The following MGAT5 variants were observed in gnomAD, a reference collection of about 807,000 sequenced individuals.
MGAT5 encodes the protein alpha-1,6-mannosylglycoprotein 6-beta-N-acetylglucosaminyltransferase A.
A neutral mutation model predicts 94.3 loss-of-function variants in MGAT5; 30 were observed. The ratio of observed to expected loss-of-function variants is 0.32; its 90% CI spans 0.24 to 0.43. The LOEUF is 0.43. Among genes scored for constraint, MGAT5 ranks in the 20% least tolerant of loss-of-function variants. The pLI is 1.00. For synonymous variants in MGAT5, 310 were observed against 322.9 expected (o/e 0.96, Z 0.43); for missense variants, 691 against 905.5 (o/e 0.76, Z 3.04).
chr2:134,340,172 C>T (rs1484261150), intron 6 of MGAT5, among the ~76,000 whole-genome samples: 1 of 152,264 alleles, frequency 6.6e-6, no homozygotes, highest in African/African-American at 2.4e-5. Context: ...CTAGCTAGGG[C>T]CACTATCAGG....
chr2:134,166,250 AC>A (rs1333194728), intron 1 of MGAT5, among the ~76,000 whole-genome samples: 2 of 152,124 alleles, frequency 1.3e-5, no homozygotes, highest in Non-Finnish European at 2.9e-5. Flanking sequence ...ACACAGAGGG[AC>A]CCTTGGAAAT....
At chr2:134,423,793 A>G (rs1451775271) in intron 13 of MGAT5, among the ~76,000 whole-genome samples, 2 of 152,024 alleles carry the variant, frequency 1.3e-5, no homozygotes, top group African/African-American at 4.8e-5. Flanking sequence ...AAATGAGATA[A>G]TGTATGTAAA....
intron 4 of MGAT5, among the ~76,000 whole-genome samples, chr2:134,335,275 T>G (rs1472473760): frequency 6.6e-6 from 1 of 152,168 alleles, no homozygotes; most frequent in African/African-American, 2.4e-5. Context: ...CATTAAATTT[T>G]ATAGATCTAC....
intron 10 of MGAT5, among the ~76,000 whole-genome samples, chr2:134,397,720 T>C (rs1682799208): frequency 1.3e-5 from 2 of 152,104 alleles, no homozygotes; most frequent in South Asian, 4.1e-4. Context: ...GCAGGGGCAA[T>C]CTGAAAGGGC....
At chr2:134,418,404 C>T (rs1361309498) in intron 12 of MGAT5, among the ~76,000 whole-genome samples, 2 of 152,180 alleles carry the variant, frequency 1.3e-5, no homozygotes, top group Non-Finnish European at 2.9e-5. Context: ...ATCCTTTCAA[C>T]AGTCGCTCAG....
intron 12 of MGAT5, among the ~76,000 whole-genome samples, chr2:134,421,343 G>A (rs1361152879): frequency 6.6e-6 from 1 of 152,136 alleles, no homozygotes; most frequent in Non-Finnish European, 1.5e-5. Context: ...CTAGCACTTT[G>A]GGGGCTGAGA....
intron 1 of MGAT5, among the ~76,000 whole-genome samples, chr2:134,197,265 G>T (rs945041628): frequency 1.3e-5 from 2 of 152,186 alleles, no homozygotes; most frequent in East Asian, 3.9e-4. Flanking sequence ...GAACTTGACC[G>T]TGATGTTGTG....
Position 134,189,602 on chromosome 2 carries a change from G to GTTTT in MGAT5, c.-142-64645_-142-64642dup, listed in dbSNP as rs912983981. On this transcript the variant is annotated intron_variant, in intron 1 of 16. Transcript: ENST00000409645. ...AACCTCATGGCTCTAGTTTTTTTTT[G>GTTTT]TTTTTTTTTTTTTTTTTTAAGACAG... 1.0e-3 allele frequency among the ~76,000 whole-genome samples: 88 copies of GTTTT among 84,620 alleles called. 5 individuals are homozygous for GTTTT. The highest frequency in any genetic ancestry group is 1.6e-3 in the Non-Finnish European group (71 of 43,556). 55.5% of individuals were successfully genotyped at this position (84,620 alleles called of 152,430 possible). A position where few individuals can be genotyped will look rare whatever the true frequency, so the allele number is the denominator to read the frequency against.
At chr2:134,214,295 G>A (rs1232520791) in intron 1 of MGAT5, among the ~76,000 whole-genome samples, 1 of 151,732 alleles carries the variant, frequency 6.6e-6, no homozygotes. Context: ...CTAAGAAAAT[G>A]AAGTGAGGGG....
chr2:134,249,921 A>G (rs1682494909), upstream of MGAT5, among the ~76,000 whole-genome samples: 1 of 152,238 alleles, frequency 6.6e-6, no homozygotes, highest in Admixed American at 6.5e-5. Flanking sequence ...ATCTTCACCA[A>G]CACTTGTTCT....
intron 2 of MGAT5, among the ~76,000 whole-genome samples, chr2:134,280,410 C>T (rs1443585337): frequency 6.6e-6 from 1 of 152,188 alleles, no homozygotes; most frequent in Non-Finnish European, 1.5e-5. Context: ...ATGGCGTGGA[C>T]AGAGTCACCC....
intron 8 of MGAT5, among the ~76,000 whole-genome samples, chr2:134,345,650 T>A (rs746960909): frequency 4.7e-4 from 71 of 152,212 alleles, no homozygotes; most frequent in Admixed American, 1.1e-3. Flanking sequence ...TTTTACCTGG[T>A]ATACAAACAT....
At position 134,315,544 on chromosome 2, in the gene MGAT5, A is replaced by T. The variant is rs113270362; in HGVS notation, c.407-1985A>T. Among the ~76,000 whole-genome samples the T allele has an allele frequency of 9.1e-4, 139 of 152,330 alleles. 1 individual carries two copies. The highest frequency in any genetic ancestry group is 3.3e-3 in the African/African-American group (138 of 41,582). On this transcript the variant is annotated intron_variant, in intron 2 of 15. Transcript: ENST00000281923. ...GTCTGCATCTATTTCAAAAACACAG[A>T]ATGCTTTTCCAGAAGTGTCTGTGCA...
chr2:134,226,276 G>T (rs1237886946), intron 1 of MGAT5, among the ~76,000 whole-genome samples: 3 of 152,140 alleles, frequency 2.0e-5, no homozygotes, highest in African/African-American at 7.2e-5. Context: ...GTGGATTTTG[G>T]CTCTCATAAT....
chr2:134,277,256 C>T (rs1573682014), intron 2 of MGAT5, among the ~76,000 whole-genome samples: 1 of 151,982 alleles, frequency 6.6e-6, no homozygotes. Context: ...GTCCATTTCA[C>T]AGTATTGTTA....
intron 1 of MGAT5, among the ~76,000 whole-genome samples, chr2:134,158,017 C>T (rs1687558545): frequency 1.3e-5 from 2 of 152,150 alleles, no homozygotes; most frequent in Non-Finnish European, 1.5e-5. Flanking sequence ...GATATCTGGC[C>T]GAGTCTGGCT....
chr2:134,451,672 C>A lies in MGAT5; in HGVS notation c.*2825C>A, dbSNP rs1463140112. Reference sequence around the variant, plus strand: ...TCCTAAGTTATGATTAATGTTTTTCCCCGCTATAATATCTTGCCTGTTTTT... The same window carrying A: ...TCCTAAGTTATGATTAATGTTTTTCACCGCTATAATATCTTGCCTGTTTTT... On this transcript the variant is annotated 3_prime_UTR_variant, in exon 16 of 16. Coordinates refer to ENST00000281923, the MANE Select transcript of MGAT5 (RefSeq NM_002410.5). The A allele has an allele frequency of 6.6e-6, 1 of 152,164 alleles. No homozygotes were observed. 9.4% of individuals were successfully genotyped at this position (152,164 alleles called of 1,614,324 possible).
In MGAT5 at chr2:134,268,389, G is replaced by A. The variant is rs1294341838; in HGVS notation, c.242-1997G>A. ...GAACATTGCCACTTCTCACTGGCAC[G>A]ACTGCCCCCTTCTGTGTGACTGGCC... is the stretch of plus-strand genomic sequence containing the variant. On this transcript the variant is annotated intron_variant, in intron 1 of 15. Transcript: ENST00000281923. This position sits in a 1 kb window ranked among gnomAD's most constrained non-coding sequence, Gnocchi z 4.1. 6.6e-6 allele frequency among the ~76,000 whole-genome samples: 1 copy of A among 152,218 alleles called. No individual in the cohort carries two copies. Among genetic ancestry groups the A allele is most frequent in the African/African-American group, 2.4e-5 (1 of 41,452 alleles).
chr2:134,371,304 G>A (rs1381421008), intron 10 of MGAT5, among the ~76,000 whole-genome samples: 3 of 152,162 alleles, frequency 2.0e-5, no homozygotes, highest in East Asian at 3.9e-4. Flanking sequence ...AAGCTTTTGA[G>A]TTGAATAACG....
Sources: allele counts gnomAD v4.1 joint callset (sites outside exome capture counted in the v4.1 genomes callset), GRCh38; gene constraint gnomAD v4.1.1; non-coding constraint Gnocchi (gnomAD v3.1); transcripts MANE v1.5; gene names NCBI Gene and HGNC (gene_info 2026-07-23, HGNC 2026-07-21).